The following MYO1E variants were observed in gnomAD, a reference collection of about 807,000 sequenced individuals.
MYO1E encodes myosin IE.
A neutral mutation model predicts 151.1 loss-of-function variants in MYO1E; 68 were observed. The observed-to-expected ratio is 0.45, with a 90% confidence interval of 0.37 to 0.55. The LOEUF (loss-of-function observed/expected upper bound fraction) is 0.55. Ranked by LOEUF, MYO1E falls within the 20% of genes least tolerant of loss-of-function variation. The pLI is 0.00. For synonymous variants in MYO1E, 601 were observed against 501.7 expected, an observed-to-expected ratio of 1.20 and a Z score of -2.64; for missense variants, 1,363 against 1,389.3, an observed-to-expected ratio of 0.98 and a Z score of 0.30.
chr15:59,214,379 T>G (rs1284038590), intron 11 of MYO1E, 65 bp from the exon 12 acceptor site: 2 of 1,234,578 alleles, frequency 1.6e-6, no homozygotes, highest in Non-Finnish European at 1.2e-6. Context: ...ATTTCTGGAG[T>G]GATTTATTGA....
chr15:59,323,774 C>G (rs1596417380), intron 1 of MYO1E, among the ~76,000 whole-genome samples: 1 of 152,016 alleles, frequency 6.6e-6, no homozygotes, highest in South Asian at 2.1e-4. Flanking sequence ...GGAGGAGGAC[C>G]TGGAAGTTAA....
chr15:59,194,269 G>A (rs2079752340), intron 17 of MYO1E, among the ~76,000 whole-genome samples: 1 of 152,136 alleles, frequency 6.6e-6, no homozygotes, highest in African/African-American at 2.4e-5. Flanking sequence ...CATCCAAGCA[G>A]CCTGGCTTCT....
intron 24 of MYO1E, among the ~76,000 whole-genome samples, chr15:59,160,741 C>T (rs1299864628): frequency 6.6e-6 from 1 of 151,774 alleles, no homozygotes; most frequent in Non-Finnish European, 1.5e-5. Context: ...TTAAAGGTGG[C>T]ATAGAGGATG....
intron 27 of MYO1E, among the ~76,000 whole-genome samples, chr15:59,137,680 C>T (rs1244569619): frequency 2.0e-5 from 3 of 152,230 alleles, no homozygotes; most frequent in Non-Finnish European, 2.9e-5. Context: ...TCAAGGTTGT[C>T]TTCCTGGCTT....
At chr15:59,349,490 C>T (rs2080812079) in intron 1 of MYO1E, among the ~76,000 whole-genome samples, 2 of 152,114 alleles carry the variant, frequency 1.3e-5, no homozygotes, top group African/African-American at 4.8e-5. Flanking sequence ...TTTCAACTCA[C>T]AAACCTTCTT....
chr15:59,281,712 T>C (rs1375138306), intron 1 of MYO1E, among the ~76,000 whole-genome samples: 10 of 152,244 alleles, frequency 6.6e-5, no homozygotes, highest in Admixed American at 5.9e-4. Flanking sequence ...TGGTCCTTAA[T>C]AATTTTGATT....
intron 1 of MYO1E, chr15:59,348,939 T>A (rs1313743248): frequency 2.6e-5 from 4 of 152,204 alleles, no homozygotes. Flanking sequence ...CCGAGTTCAA[T>A]ATCTTAATGA....
intron 22 of MYO1E, among the ~76,000 whole-genome samples, chr15:59,170,663 C>A (rs2079587918): frequency 6.6e-6 from 1 of 152,124 alleles, no homozygotes; most frequent in Admixed American, 6.5e-5. Flanking sequence ...GCGGACTCAT[C>A]TGCTTAGCAA....
chr15:59,160,211 G>A (rs1418206897), intron 24 of MYO1E, among the ~76,000 whole-genome samples: 3 of 152,004 alleles, frequency 2.0e-5, no homozygotes, highest in Admixed American at 6.6e-5. Context: ...CAATATCACA[G>A]TATATGCATA....
In MYO1E at chr15:59,334,220, G is replaced by A. The variant is rs562147047; in HGVS notation, c.3+38278C>T. Reference sequence around the variant, plus strand: ...CACCTGAGCCCAGGAGGTCAAGGCTGCAGTGAACCATGATTATTGCATCAC... The same window carrying A: ...CACCTGAGCCCAGGAGGTCAAGGCTACAGTGAACCATGATTATTGCATCAC... On this transcript the variant is annotated intron_variant, in intron 1 of 27. Transcript: ENST00000288235. 1.1e-3 allele frequency among the ~76,000 whole-genome samples: 175 copies of A among 152,292 alleles called. 3 individuals carry two copies. Among genetic ancestry groups the A allele is most frequent in the South Asian group, 0.01 (50 of 4,822 alleles).
intron 25 of MYO1E, among the ~76,000 whole-genome samples, chr15:59,156,883 AGATT>A (rs879777355): frequency 1.3e-5 from 2 of 152,208 alleles, no homozygotes; most frequent in Non-Finnish European, 2.9e-5. Context: ...AGAAAATCTT[AGATT>A]CAGGTTTAGA....
intron 18 of MYO1E, among the ~76,000 whole-genome samples, chr15:59,180,066 T>A (rs1252366117): frequency 6.6e-6 from 1 of 152,206 alleles, no homozygotes; most frequent in Non-Finnish European, 1.5e-5. Flanking sequence ...CTCAGGTGAT[T>A]TTAGGAGCCT....
chr15:59,334,397 T>C (rs2080716032), intron 1 of MYO1E, among the ~76,000 whole-genome samples: 1 of 152,122 alleles, frequency 6.6e-6, no homozygotes, highest in Admixed American at 6.6e-5. Context: ...GTGATTATTA[T>C]GCATTGTAGG....
intron 21 of MYO1E, among the ~76,000 whole-genome samples, chr15:59,172,376 TG>T (rs564489248): frequency 2.4e-3 from 363 of 152,206 alleles, no homozygotes; most frequent in Non-Finnish European, 3.4e-3. Context: ...TGGACAGACA[TG>T]GTCAATGTGA....
At chr15:59,259,366 T>C (rs533068250) in intron 3 of MYO1E, among the ~76,000 whole-genome samples, 67 of 152,312 alleles carry the variant, frequency 4.4e-4, no homozygotes, top group South Asian at 2.1e-3. Flanking sequence ...AGTGATTCCA[T>C]GTTGGTTTGG....
intron 1 of MYO1E, among the ~76,000 whole-genome samples, chr15:59,349,198 A>G (rs2080810476): frequency 6.6e-6 from 1 of 152,208 alleles, no homozygotes; most frequent in African/African-American, 2.4e-5. Flanking sequence ...ATTATTAATT[A>G]GTAATTATTT....
chr15:59,372,421 A>G, intron 1 of MYO1E, 77 bp downstream of exon 1: 1 of 1,525,392 alleles, frequency 6.6e-7, no homozygotes, highest in Non-Finnish European at 8.8e-7. Flanking sequence ...CAGCGCGCCC[A>G]AGGTGGGTGC....
chr15:59,302,561 T>C (rs1199565600), intron 1 of MYO1E, among the ~76,000 whole-genome samples: 4 of 152,180 alleles, frequency 2.6e-5, no homozygotes, highest in Admixed American at 2.6e-4. Flanking sequence ...TCTGTATTAT[T>C]GGATTTCACA....
At chr15:59,343,855 TTC>T (rs1454953342) in intron 1 of MYO1E, among the ~76,000 whole-genome samples, 16 of 152,302 alleles carry the variant, frequency 1.1e-4, no homozygotes, top group Admixed American at 2.6e-4. Flanking sequence ...TTCTGCCTGA[TTC>T]TCTTAACTTA....
Sources: gnomAD v4.1 joint callset for allele counts (sites outside exome capture counted in the v4.1 genomes callset) on GRCh38, gnomAD v4.1.1 for gene constraint, MANE v1.5 for transcripts, NCBI Gene and HGNC (gene_info 2026-07-23, HGNC 2026-07-21) for gene names.